The following ARHGAP35 variants were observed in gnomAD, a reference collection of about 807,000 sequenced individuals.
The protein encoded by ARHGAP35 is Rho GTPase activating protein 35.
ARHGAP35 carries 15 observed loss-of-function variants against 111.1 expected under a neutral mutation model. The ratio of observed to expected loss-of-function variants is 0.13; its 90% CI spans 0.09 to 0.21. The LOEUF (loss-of-function observed/expected upper bound fraction) is 0.21. Among genes scored for constraint, ARHGAP35 ranks in the 10% least tolerant of loss-of-function variants. ARHGAP35 has a pLI of 1.00. For synonymous variants in ARHGAP35, 643 were observed against 710.3 expected (o/e 0.91, Z 1.51); for missense variants, 1,262 against 1,873.0 (o/e 0.67, Z 6.02).
rs553216896 is a variant in ARHGAP35 at position 46,912,340 on chromosome 19, G to A, written c.-188-6148G>A. Among the ~76,000 whole-genome samples, 3 of 150,668 alleles carry A rather than the reference G, an allele frequency of 2.0e-5. 1 individual carries two copies. The highest frequency in any genetic ancestry group is 7.3e-5 in the African/African-American group (3 of 41,046). ...ATTACAGGCATGAGTCACCGTGCCC[G>A]GCCAGTGTTCTCTTCCTTTTTTTTT... On this transcript the variant is annotated intron_variant, in intron 1 of 6. Transcript: ENST00000672722.
chr19:46,952,058 A>G (rs311384), intron 3 of ARHGAP35, among the ~76,000 whole-genome samples: 44,583 of 152,102 alleles, frequency 0.29, 6,749 homozygotes, highest in Middle Eastern at 0.42. Context: ...TTTCAAAATA[A>G]CTGCAAGATG....
rs11383795 is a variant in ARHGAP35 at position 46,983,606 on chromosome 19, CT to C, written c.3827-4358del. Among the ~76,000 whole-genome samples the C allele has an allele frequency of 4.7e-3, 325 of 69,258 alleles. 1 individual carries two copies. The highest frequency in any genetic ancestry group is 0.019 in the South Asian group (34 of 1,754). 45.4% of individuals were successfully genotyped at this position (69,258 alleles called of 152,430 possible). A position where few individuals can be genotyped will look rare whatever the true frequency, so the allele number is the denominator to read the frequency against. Reference sequence around the variant, plus strand: ...TATTTGCCATTCTGTAATGTCCATTCTTTTTTTTTTTTTTTTTTTTTTTTTG... The same window carrying C: ...TATTTGCCATTCTGTAATGTCCATTCTTTTTTTTTTTTTTTTTTTTTTTTG... On this transcript the variant is annotated intron_variant, in intron 3 of 6. Coordinates refer to ENST00000672722, the MANE Select transcript of ARHGAP35 (RefSeq NM_004491.5).
At chr19:46,867,776 G>T (rs901165928) in intron 1 of ARHGAP35, among the ~76,000 whole-genome samples, 9 of 146,340 alleles carry the variant, frequency 6.2e-5, no homozygotes, top group South Asian at 2.2e-4. Context: ...TGTTGTTGTT[G>T]TTTTTTTTTT....
In ARHGAP35 at chr19:46,919,142, T is replaced by C; in HGVS notation, c.467T>C (p.Leu156Pro). 6.2e-7 allele frequency: 1 copy of C among 1,614,002 alleles called. No individual in the cohort carries two copies. Among genetic ancestry groups the C allele is most frequent in the Non-Finnish European group, 8.5e-7 (1 of 1,179,886 alleles). ...AAACAAATGCCAGACGGAAAGCTGCTGGTTGATGGTTTTCTTCTTGGTATT... is the reference window on the plus strand; with the variant it reads ...AAACAAATGCCAGACGGAAAGCTGCCGGTTGATGGTTTTCTTCTTGGTATT... ...EQKQMPDGKL[L>P]VDGFLLGIDV... is the part of the protein sequence containing the mutation. The change falls in exon 2 of 7, where the codon CTG becomes CCG. Residue 156 changes from leucine to proline, a missense_variant. Around this residue, in one of 8 missense-constraint regions of ARHGAP35, gnomAD observed 125 missense variants for 301.7 expected, o/e 0.41. Coordinates refer to ENST00000672722, the MANE Select transcript of ARHGAP35 (RefSeq NM_004491.5). This position sits in a 1 kb window ranked among gnomAD's most constrained non-coding sequence, Gnocchi z 6.2.
chr19:46,876,502 A>G (rs1340843819), intron 1 of ARHGAP35, among the ~76,000 whole-genome samples: 1 of 151,526 alleles, frequency 6.6e-6, no homozygotes, highest in Non-Finnish European at 1.5e-5. Context: ...CCTCCCAAGT[A>G]GCTGGGACTA....
intron 1 of ARHGAP35, among the ~76,000 whole-genome samples, chr19:46,897,510 A>G (rs1463047603): frequency 6.6e-6 from 1 of 151,736 alleles, no homozygotes; most frequent in Non-Finnish European, 1.5e-5. Context: ...TAATACCTGA[A>G]AATGAATTTT....
chr19:46,962,978 A>C (rs544842777), intron 3 of ARHGAP35, among the ~76,000 whole-genome samples: 109 of 150,744 alleles, frequency 7.2e-4, no homozygotes, highest in Non-Finnish European at 1.3e-3. Context: ...GCTGCTTCCT[A>C]CTCCTTTTCA....
At chr19:46,927,210 G>A (rs568465515) in intron 2 of ARHGAP35, among the ~76,000 whole-genome samples, 25 of 152,174 alleles carry the variant, frequency 1.6e-4, no homozygotes, top group Non-Finnish European at 3.2e-4. Flanking sequence ...CATGCATTTC[G>A]GTGCGTGGGC....
chr19:46,974,545 G>A (rs750317720), intron 3 of ARHGAP35, among the ~76,000 whole-genome samples: 5 of 152,132 alleles, frequency 3.3e-5, no homozygotes, highest in Non-Finnish European at 7.4e-5. Context: ...CAAGGGCGGC[G>A]ATTCACCAGG....
chr19:46,877,639 T>A (rs1020461119), intron 1 of ARHGAP35, among the ~76,000 whole-genome samples: 1 of 152,128 alleles, frequency 6.6e-6, no homozygotes, highest in African/African-American at 2.4e-5. Flanking sequence ...GTGTGCAGTA[T>A]CATTATGTCT....
intron 2 of ARHGAP35, among the ~76,000 whole-genome samples, chr19:46,929,446 T>G (rs2056258458): frequency 6.6e-6 from 1 of 152,142 alleles, no homozygotes. Context: ...CCAGTTACAG[T>G]TAGTCCATAG....
chr19:46,917,229 C>T (rs1281750084), intron 1 of ARHGAP35, among the ~76,000 whole-genome samples: 2 of 152,164 alleles, frequency 1.3e-5, no homozygotes, highest in African/African-American at 4.8e-5. Flanking sequence ...TAAGTGGAAT[C>T]ATATAGTATT....
chr19:46,906,464 A>G (rs1228301262), intron 1 of ARHGAP35, among the ~76,000 whole-genome samples: 5 of 152,308 alleles, frequency 3.3e-5, no homozygotes, highest in African/African-American at 1.2e-4. Flanking sequence ...TGCAGCCAGG[A>G]TTAGAGTCAC....
chr19:47,000,346 C>T lies in ARHGAP35; in HGVS notation c.4158C>T (p.Asn1386=). 1 of 1,613,826 alleles carries T rather than the reference C, an allele frequency of 6.2e-7. No homozygotes were observed. Among genetic ancestry groups the T allele is most frequent in the Non-Finnish European group, 8.5e-7 (1 of 1,179,836 alleles). Residue 1386 remains asparagine, a synonymous_variant, in exon 7 of 7, where the codon AAC becomes AAT. Transcript: ENST00000672722. The surrounding 1 kb of genome is among the most constrained non-coding windows in gnomAD (Gnocchi z 6.9). The stretch of plus-strand genomic sequence containing the variant: ...TCGCCCGCAGGGTCAGCCACAACAA[C>T]AAGGTGAATCTCATGACCAGCGAGA... The part of the protein sequence containing the change: ...ISHLNKVSHN[N]KVNLMTSENL...
rs902904442 is a variant in ARHGAP35 at position 46,920,147 on chromosome 19, A to T, written c.1472A>T (p.Glu491Val). 1.2e-6 allele frequency: 2 copies of T among 1,614,006 alleles called. No individual in the cohort carries two copies. The highest frequency in any genetic ancestry group is 1.7e-6 in the Non-Finnish European group (2 of 1,179,898). The change falls in exon 2 of 7, where the codon GAA (glutamate) becomes GTA (valine). Residue 491 changes from glutamate to valine, a missense_variant. Around this residue, in one of 8 missense-constraint regions of ARHGAP35, gnomAD observed 328 missense variants for 440.8 expected, o/e 0.74. Coordinates refer to ENST00000672722, the MANE Select transcript of ARHGAP35 (RefSeq NM_004491.5). This position sits in a 1 kb window ranked among gnomAD's most constrained non-coding sequence, Gnocchi z 7.0. ...QKQIIDKAKE[E>V]FQELLLEYSE... The stretch of plus-strand genomic sequence containing the variant: ...CAAATTATAGATAAAGCAAAGGAAG[A>T]ATTTCAGGAGTTGCTTTTGGAATAT...
intron 1 of ARHGAP35, among the ~76,000 whole-genome samples, chr19:46,912,895 G>C (rs1250447559): frequency 1.3e-5 from 2 of 151,086 alleles, no homozygotes; most frequent in African/African-American, 4.9e-5. Flanking sequence ...AGAAATGTAA[G>C]ATATTGAGAA....
At chr19:46,951,743 G>A (rs1034327867) in intron 3 of ARHGAP35, among the ~76,000 whole-genome samples, 1 of 152,126 alleles carries the variant, frequency 6.6e-6, no homozygotes, top group Non-Finnish European at 1.5e-5. Context: ...CCCTGTGCTG[G>A]CCATCCCCTT....
chr19:46,897,238 C>T (rs1454083570), intron 1 of ARHGAP35, among the ~76,000 whole-genome samples: 1 of 152,096 alleles, frequency 6.6e-6, no homozygotes, highest in African/African-American at 2.4e-5. Context: ...ATGACAACAA[C>T]TGATGGCCCA....
In ARHGAP35 at chr19:46,912,608, G is replaced by A. The variant is rs148420107; in HGVS notation, c.-188-5880G>A. 4.5e-4 allele frequency among the ~76,000 whole-genome samples: 69 copies of A among 152,066 alleles called. 1 individual carries two copies. The East Asian group carries it at 0.013, about 28-fold the overall frequency. ...CCTGACTTCGTGATCTGCCCACCTC[G>A]GCCTCCCAAAGTGTTGCGATTACAG... On this transcript the variant is annotated intron_variant, in intron 1 of 6. Transcript: ENST00000672722.
Sources: allele counts gnomAD v4.1 joint callset (sites outside exome capture counted in the v4.1 genomes callset), GRCh38; gene constraint gnomAD v4.1.1; regional missense constraint gnomAD v4.1.1; non-coding constraint Gnocchi (gnomAD v3.1); transcripts MANE v1.5; gene names NCBI Gene and HGNC (gene_info 2026-07-23, HGNC 2026-07-21).